Variants in ZNF512 observed in about 807,000 individuals in gnomAD.
ZNF512 encodes the protein zinc finger protein 512.
A neutral mutation model predicts 77.5 loss-of-function variants in ZNF512; 25 were observed. The observed-to-expected ratio is 0.32, with a 90% CI of 0.23 to 0.45. The LOEUF is 0.45. ZNF512 is among the 20% of genes least tolerant of loss of function. The probability of loss-of-function intolerance (pLI) is 1.00; values close to 1 mark genes in which losing one functional copy is unlikely to be tolerated. For missense variants in ZNF512, 483 were observed against 692.6 expected, an observed-to-expected ratio of 0.70 and a Z score of 3.40; for synonymous variants, 246 against 239.9, an observed-to-expected ratio of 1.03 and a Z score of -0.24.
intron 10 of ZNF512, among the ~76,000 whole-genome samples, chr2:27,610,964 A>G (rs1672634445): frequency 6.6e-6 from 1 of 152,098 alleles, no homozygotes; most frequent in Non-Finnish European, 1.5e-5. Context: ...ATATTCTTCA[A>G]ATGGTTCAAA....
Position 27,621,585 on chromosome 2 carries a change from C to T in ZNF512, c.*124C>T. On this transcript the variant is annotated 3_prime_UTR_variant, in exon 14 of 14. Transcript: ENST00000355467. ...TGTAAGGCTGTGACTTTCTCAGCTC[C>T]TTCCTCCTGTGTAAATTTCACTGTC... 2.0e-6 allele frequency: 2 copies of T among 1,010,648 alleles called. No individual in the cohort carries two copies. The highest frequency in any genetic ancestry group is 2.8e-6 in the Non-Finnish European group (2 of 714,814). 62.6% of individuals were successfully genotyped at this position (1,010,648 alleles called of 1,614,324 possible).
At chr2:27,599,219 A>T (rs559360136) in intron 3 of ZNF512, among the ~76,000 whole-genome samples, 2 of 152,178 alleles carry the variant, frequency 1.3e-5, no homozygotes, top group South Asian at 4.1e-4. Context: ...TTCAGGGGAG[A>T]ATATTCTGGA....
intron 2 of ZNF512, among the ~76,000 whole-genome samples, chr2:27,593,195 TACACACACACAC>T (rs57568574): frequency 0.015 from 1,708 of 112,126 alleles, 53 homozygotes; most frequent in African/African-American, 0.052. Flanking sequence ...ACCCTGTCTC[TACACACACACAC>T]ACACACACAC....
rs1235629260 is a variant in ZNF512 at position 27,583,125 on chromosome 2, C to G, written c.13C>G (p.Leu5Val). 2.5e-6 allele frequency: 4 copies of G among 1,613,892 alleles called. No individual in the cohort carries two copies. The highest frequency in any genetic ancestry group is 3.4e-6 in the Non-Finnish European group (4 of 1,180,012). ...TGGAGAGGGAGTGATGTCTTCCAGA[C>G]TCGGTGCTGTACCCGCCGTGAGTTT... MSSR[L>V]GAVPATSGPT... is the part of the protein sequence containing the mutation. Residue 5 changes from leucine to valine, a missense_variant, in exon 1 of 14, where the codon CTC becomes GTC. Physicochemically the swap from Leu to Val is conservative, Grantham distance 32 (BLOSUM62 1). Around this residue, in one of 2 missense-constraint regions of ZNF512, gnomAD observed 159 missense variants for 167.5 expected, o/e 0.95. Coordinates refer to ENST00000355467, the MANE Select transcript of ZNF512 (RefSeq NM_032434.4).
intron 2 of ZNF512, among the ~76,000 whole-genome samples, chr2:27,591,513 C>T (rs368292397): frequency 4.6e-5 from 7 of 152,274 alleles, no homozygotes; most frequent in Admixed American, 3.9e-4. Flanking sequence ...CTCCCGGGTT[C>T]AAGCATTTCT....
At position 27,621,202 on chromosome 2, in the gene ZNF512, T is replaced by C. The variant is rs769327690; in HGVS notation, c.1445T>C (p.Met482Thr). Residue 482 changes from methionine (M) to threonine (T), a missense_variant, in exon 14 of 14, where the codon ATG becomes ACG. Coordinates refer to ENST00000355467, the MANE Select transcript of ZNF512 (RefSeq NM_032434.4). Reference sequence around the variant, plus strand: ...ACAACCAAAAGCTTTGAAAAGCTGATGAAGATAAAGCAGCGGCAGCAAGAA... The same window carrying C: ...ACAACCAAAAGCTTTGAAAAGCTGACGAAGATAAAGCAGCGGCAGCAAGAA... ...PTTTKSFEKL[M>T]KIKQRQQEEE... 6.2e-7 allele frequency: 1 copy of C among 1,614,118 alleles called. No individual in the cohort carries two copies. The highest frequency in any genetic ancestry group is 8.5e-7 in the Non-Finnish European group (1 of 1,180,020).
chr2:27,604,290 C>T (rs1672261951), intron 9 of ZNF512, among the ~76,000 whole-genome samples: 3 of 152,128 alleles, frequency 2.0e-5, no homozygotes, highest in Non-Finnish European at 4.4e-5. Flanking sequence ...GGGCATCTGT[C>T]CAGCTGGTTC....
chr2:27,594,675 C>CA (rs747037344), intron 2 of ZNF512, among the ~76,000 whole-genome samples: 26 of 151,290 alleles, frequency 1.7e-4, no homozygotes, highest in Non-Finnish European at 3.2e-4. Flanking sequence ...GGTCTCCTCC[C>CA]ATCCCAGATG....
chr2:27,604,650 G>A (rs990988175), intron 9 of ZNF512, among the ~76,000 whole-genome samples: 1 of 152,072 alleles, frequency 6.6e-6, no homozygotes, highest in African/African-American at 2.4e-5. Flanking sequence ...GCATGGTGGT[G>A]TACACCTGTA....
At chr2:27,599,029 C>T (rs553030227) in intron 3 of ZNF512, among the ~76,000 whole-genome samples, 6 of 152,178 alleles carry the variant, frequency 3.9e-5, no homozygotes, top group East Asian at 1.9e-4. Flanking sequence ...TTAGCAGAGA[C>T]GGGGTTTCTC....
At chr2:27,611,321 G>C (rs771720085) in intron 10 of ZNF512, among the ~76,000 whole-genome samples, 1 of 152,036 alleles carries the variant, frequency 6.6e-6, no homozygotes, top group Admixed American at 6.6e-5. Flanking sequence ...TTGTGTCCTT[G>C]ATGCTGTTGA....
At chr2:27,601,703 C>T (rs1239927563) in intron 7 of ZNF512, among the ~76,000 whole-genome samples, 1 of 152,112 alleles carries the variant, frequency 6.6e-6, no homozygotes, top group Non-Finnish European at 1.5e-5. Flanking sequence ...GGCTGGAGTG[C>T]AGCAGTGCAA....
At chr2:27,585,435 A>G (rs933785792) in intron 2 of ZNF512, among the ~76,000 whole-genome samples, 1 of 152,216 alleles carries the variant, frequency 6.6e-6, no homozygotes, top group African/African-American at 2.4e-5. Context: ...TAAGATTATT[A>G]GGCCCCCATC....
intron 10 of ZNF512, among the ~76,000 whole-genome samples, chr2:27,608,907 G>A (rs946336661): frequency 5.9e-5 from 9 of 151,868 alleles, no homozygotes; most frequent in Non-Finnish European, 7.4e-5. Context: ...TCAAGAGATC[G>A]AGACCATCCT....
chr2:27,584,757 G>A (rs13026621), intron 2 of ZNF512, among the ~76,000 whole-genome samples: 87,711 of 152,086 alleles, frequency 0.58, 26,031 homozygotes, highest in East Asian at 0.84. Flanking sequence ...CGTGTGGAAA[G>A]AGTTAATGGG....
At chr2:27,610,587 T>A (rs1672614863) in intron 10 of ZNF512, among the ~76,000 whole-genome samples, 1 of 82,170 alleles carries the variant, frequency 1.2e-5, no homozygotes, top group African/African-American at 5.0e-5. Context: ...TTTTTTTTTT[T>A]TTTTTTTTTT....
chr2:27,593,391 CAAA>C (rs572251742), intron 2 of ZNF512, among the ~76,000 whole-genome samples: 3,500 of 76,690 alleles, frequency 0.046, 137 homozygotes, highest in African/African-American at 0.12. Context: ...GACCTTGTCT[CAAA>C]AAAAAAAAAA....
chr2:27,591,761 T>C (rs760638742), intron 2 of ZNF512, among the ~76,000 whole-genome samples: 5 of 152,212 alleles, frequency 3.3e-5, no homozygotes, highest in Non-Finnish European at 7.3e-5. Context: ...CAGGCTGGTC[T>C]TGAACTCATG....
chr2:27,600,622 C>G (rs867018893), intron 5 of ZNF512, 69 bp from the exon 6 acceptor site: 2 of 1,541,540 alleles, frequency 1.3e-6, no homozygotes, highest in African/African-American at 1.4e-5. Flanking sequence ...TTTCCTAAAT[C>G]GTGGGATTAT....
Sources: allele counts gnomAD v4.1 joint callset (sites outside exome capture counted in the v4.1 genomes callset), GRCh38; gene constraint gnomAD v4.1.1; regional missense constraint gnomAD v4.1.1; transcripts MANE v1.5; gene names NCBI Gene and HGNC (gene_info 2026-07-23, HGNC 2026-07-21).